The following HSP90AB1 variants were observed in gnomAD, a reference collection of about 807,000 sequenced individuals.
The protein encoded by HSP90AB1 is heat shock protein HSP 90-beta.
A neutral mutation model predicts 67.8 loss-of-function variants in HSP90AB1; 17 were observed. The ratio of observed to expected loss-of-function variants is 0.25; its 90% CI spans 0.17 to 0.38. HSP90AB1 has a LOEUF of 0.38. Ranked by LOEUF, HSP90AB1 falls within the 10% of genes least tolerant of loss-of-function variation. The pLI is 1.00. For synonymous variants in HSP90AB1, 390 were observed against 312.9 expected (o/e 1.25, Z -2.60); for missense variants, 690 against 899.9 (o/e 0.77, Z 2.98).
chr6:44,251,685 G>GT, intron 8 of HSP90AB1, 52 bp from the exon 9 acceptor site: 2 of 1,597,916 alleles, frequency 1.3e-6, no homozygotes, highest in Non-Finnish European at 1.7e-6. Flanking sequence ...CACATTGAAA[G>GT]TGAAGTTATT....
rs927041181 is a variant in HSP90AB1, at chr6:44,250,217, C to T, written c.648+63C>T. 18 of 1,610,986 alleles carry T rather than the reference C, an allele frequency of 1.1e-5. No homozygotes were observed. In the East Asian group the frequency reaches 2.2e-4, roughly 20 times the overall value. On this transcript the variant is annotated intron_variant, in intron 5 of 11. Coordinates refer to ENST00000371646, the MANE Select transcript of HSP90AB1 (RefSeq NM_007355.4). ...CAGGATGTTTCCTGTTCTGGAGAAT[C>T]TCATTGTCCCTGGCTTTTGCTTTCC...
In HSP90AB1 at chr6:44,252,259, G is replaced by A. The variant is rs1412810638; in HGVS notation, c.1723G>A (p.Val575Ile). 1 of 1,613,508 alleles carries A rather than the reference G, an allele frequency of 6.2e-7. No individual in the cohort carries two copies. The highest frequency in any genetic ancestry group is 8.5e-7 in the Non-Finnish European group (1 of 1,179,948). ...CATGAAAGAAATCTTAGATAAGAAG[G>A]TTGAGAAGGTAAGCCATTCTGGGGC... ...KLMKEILDKK[V>I]EKVTISNRLV... Residue 575 changes from valine (V) to isoleucine (I), a missense_variant, in exon 10 of 12, where the codon GTT (valine) becomes ATT (isoleucine). Around this residue, in one of 7 missense-constraint regions of HSP90AB1, gnomAD observed 206 missense variants for 221.4 expected, o/e 0.93. Transcript: ENST00000371646.
At position 44,253,748 on chromosome 6, in the gene HSP90AB1, AC is replaced by A. The variant is rs1781043610; in HGVS notation, c.*151del. The A allele has an allele frequency of 1.3e-6, 1 of 781,386 alleles. No individual in the cohort carries two copies. 48.4% of individuals were successfully genotyped at this position (781,386 alleles called of 1,614,324 possible). ...CCTGTCCTTGTGTTGAAGGCAGTAA[AC>A]TAAGGGTGTCAAGCCCCATTCCCTC... is the stretch of plus-strand genomic sequence containing the variant. On this transcript the variant is annotated 3_prime_UTR_variant, in exon 12 of 12. Coordinates refer to ENST00000371646, the MANE Select transcript of HSP90AB1 (RefSeq NM_007355.4).
rs1348825190 is a variant in HSP90AB1 at position 44,247,128 on chromosome 6, G to C, written c.-68G>C. The C allele has an allele frequency of 5.9e-5, 9 of 152,200 alleles. No homozygotes were observed. Among genetic ancestry groups the C allele is most frequent in the Non-Finnish European group, 1.3e-4 (9 of 68,074 alleles). 9.4% of individuals were successfully genotyped at this position (152,200 alleles called of 1,614,324 possible). ...CTCGAGTCACTCCGGCGCAGTGTTGGGACTGTCTGGGTATCGGAAAGCAAG... is the reference window on the plus strand; with the variant it reads ...CTCGAGTCACTCCGGCGCAGTGTTGCGACTGTCTGGGTATCGGAAAGCAAG... On this transcript the variant is annotated 5_prime_UTR_variant, in exon 1 of 12. Transcript: ENST00000371646.
At chr6:44,247,948 C>T (rs975886703) in intron 1 of HSP90AB1, 1 of 152,228 alleles carries the variant, frequency 6.6e-6, no homozygotes. Context: ...CCGGCAGTGA[C>T]GAGTGTCGGC....
Position 44,248,730 on chromosome 6 carries a change from C to T in HSP90AB1, c.101C>T (p.Ser34Phe). 1 of 1,613,948 alleles carries T rather than the reference C, an allele frequency of 6.2e-7. No homozygotes were observed. Among genetic ancestry groups the T allele is most frequent in the Non-Finnish European group, 8.5e-7 (1 of 1,179,822 alleles). The change falls in exon 2 of 12, where the codon TCC becomes TTC. Residue 34 changes from serine (S) to phenylalanine (F), a missense_variant. Coordinates refer to ENST00000371646, the MANE Select transcript of HSP90AB1 (RefSeq NM_007355.4). ...LMSLIINTFY[S>F]NKEIFLRELI... ...TCCCTCATCATCAATACCTTCTATT[C>T]CAACAAGGAGATTTTCCTTCGGGAG...
intron 6 of HSP90AB1, 51 bp from the exon 7 acceptor site, chr6:44,250,997 G>C (rs1160679201): frequency 1.1e-5 from 16 of 1,499,004 alleles, no homozygotes; most frequent in Non-Finnish European, 1.4e-5. Flanking sequence ...TTGGTGTTGG[G>C]GCTAAAAGGT....
intron 5 of HSP90AB1, 32 bp from the exon 6 acceptor site, chr6:44,250,259 C>G: frequency 3.7e-6 from 6 of 1,611,424 alleles, no homozygotes; most frequent in Non-Finnish European, 5.1e-6. Context: ...GTGTTTTGTA[C>G]TCCAAGGCTA....
At chr6:44,251,299 T>C in intron 7 of HSP90AB1, 86 bp downstream of exon 7, 4 of 1,547,740 alleles carry the variant, frequency 2.6e-6, no homozygotes, top group Non-Finnish European at 3.6e-6. Context: ...GTAACAGTTT[T>C]CTGCAATACA....
At position 44,253,777 on chromosome 6, in the gene HSP90AB1, T is replaced by G. The variant is rs1357106752; in HGVS notation, c.*179T>G. 1.0e-5 allele frequency: 8 copies of G among 776,760 alleles called. No homozygotes were observed. The highest frequency in any genetic ancestry group is 1.9e-5 in the Non-Finnish European group (8 of 416,334). 48.1% of individuals were successfully genotyped at this position (776,760 alleles called of 1,614,324 possible). A position where few individuals can be genotyped will look rare whatever the true frequency, so the allele number is the denominator to read the frequency against. ...AGGGTGTCAAGCCCCATTCCCTCTCTACTCTTGACAGCAGGATTGGATGTT... is the reference window on the plus strand; with the variant it reads ...AGGGTGTCAAGCCCCATTCCCTCTCGACTCTTGACAGCAGGATTGGATGTT... On this transcript the variant is annotated 3_prime_UTR_variant, in exon 12 of 12. Coordinates refer to ENST00000371646, the MANE Select transcript of HSP90AB1 (RefSeq NM_007355.4).
At chr6:44,252,937 C>CT (rs1284179193) in intron 10 of HSP90AB1, 108 bp from the exon 11 acceptor site, 1 of 861,834 alleles carries the variant, frequency 1.2e-6, no homozygotes, top group African/African-American at 1.7e-5. Context: ...TGGTCTCAAA[C>CT]TCAAGTGGTC....
At chr6:44,252,981 G>C (rs1780917709) in intron 10 of HSP90AB1, 64 bp from the exon 11 acceptor site, 5 of 1,366,264 alleles carry the variant, frequency 3.7e-6, no homozygotes, top group Non-Finnish European at 5.2e-6. Context: ...AATTAGGCTT[G>C]ACAATGCCTG....
chr6:44,250,649 T>A, intron 6 of HSP90AB1, 50 bp downstream of exon 6: 34 of 931,432 alleles, frequency 3.7e-5, no homozygotes, highest in Non-Finnish European at 5.5e-5. Flanking sequence ...TGGAGAGGAA[T>A]GAGTTAGGTG....
rs1212283364 is a variant in HSP90AB1 at position 44,251,760 on chromosome 6, T to C, written c.1338T>C (p.Thr446=). The change falls in exon 9 of 12, where the codon ACT becomes ACC. Residue 446 remains threonine (T), a synonymous_variant. Transcript: ENST00000371646. The stretch of plus-strand genomic sequence containing the variant: ...AGCTTGGAATCCACGAAGACTCCAC[T>C]AACCGCCGCCGCCTGTCTGAGCTGC... The part of the protein sequence containing the change: ...NLKLGIHEDS[T]NRRRLSELLR... 2 of 1,613,758 alleles carry C rather than the reference T, an allele frequency of 1.2e-6. No homozygotes were observed. Among genetic ancestry groups the C allele is most frequent in the South Asian group, 1.1e-5 (1 of 91,048 alleles).
Position 44,251,557 on chromosome 6 carries a change from A to G in HSP90AB1, c.1263A>G (p.Glu421=). 6.2e-7 allele frequency: 1 copy of G among 1,609,764 alleles called. No individual in the cohort carries two copies. Among genetic ancestry groups the G allele is most frequent in the Non-Finnish European group, 8.5e-7 (1 of 1,177,574 alleles). Residue 421 remains glutamate, a synonymous_variant, in exon 8 of 12, where the codon GAA becomes GAG. Transcript: ENST00000371646. ...KCLELFSELA[E]DKENYKKFYE... ...TTGAGCTCTTCTCTGAGCTGGCAGA[A>G]GACAAGGAGAATTACAAGAAATTCT...
intron 6 of HSP90AB1, among the ~76,000 whole-genome samples, 182 bp from the exon 7 acceptor site, chr6:44,250,866 A>G (rs1376623896): frequency 6.6e-6 from 1 of 152,204 alleles, no homozygotes; most frequent in Non-Finnish European, 1.5e-5. Flanking sequence ...TGTTTTCTAC[A>G]TACAGCTAGT....
At chr6:44,246,573 G>C (rs530152165), upstream of HSP90AB1, among the ~76,000 whole-genome samples, 16 of 152,304 alleles carry the variant, frequency 1.1e-4, no homozygotes, top group African/African-American at 3.6e-4. Context: ...CGAACCCTCC[G>C]CCCTTCCTCT....
intron 10 of HSP90AB1, among the ~76,000 whole-genome samples, 199 bp from the exon 11 acceptor site, chr6:44,252,846 C>T (rs1190683763): frequency 6.6e-6 from 1 of 151,566 alleles, no homozygotes; most frequent in South Asian, 2.1e-4. Context: ...ACTCAAGTCT[C>T]CTGAGTGGCT....
At chr6:44,246,922 C>T (rs996500421), upstream of HSP90AB1, among the ~76,000 whole-genome samples, 26 of 152,290 alleles carry the variant, frequency 1.7e-4, no homozygotes, top group African/African-American at 6.3e-4. Flanking sequence ...AATGTGTGGG[C>T]GGATCCGTTG....
Sources: allele counts gnomAD v4.1 joint callset (sites outside exome capture counted in the v4.1 genomes callset), GRCh38; gene constraint gnomAD v4.1.1; regional missense constraint gnomAD v4.1.1; transcripts MANE v1.5; gene names NCBI Gene and HGNC (gene_info 2026-07-23, HGNC 2026-07-21).